Variants in GBE1 observed in about 807,000 individuals in gnomAD.
GBE1 encodes 1,4-alpha-glucan branching enzyme 1, also known as 1,4-alpha-glucan-branching enzyme.
In GBE1, 70 loss-of-function variants were observed where a neutral mutation model predicts 88.8. That is an observed-to-expected ratio of 0.79 (90% CI 0.65 to 0.96). The LOEUF is 0.96. Among genes scored for constraint, GBE1 ranks in the 40% least tolerant of loss-of-function variants. The pLI is 0.00. For synonymous variants in GBE1, 284 were observed against 300.1 expected, an observed-to-expected ratio of 0.95 and a Z score of 0.56; for missense variants, 872 against 871.0, an observed-to-expected ratio of 1.00 and a Z score of -0.01.
At chr3:81,587,656 A>G (rs1009119613) in intron 9 of GBE1, among the ~76,000 whole-genome samples, 1 of 152,174 alleles carries the variant, frequency 6.6e-6, no homozygotes, top group Non-Finnish European at 1.5e-5. Context: ...GCAAGAGTTT[A>G]TAGTTGTTGT....
At chr3:81,655,915 A>G (rs1024487065) in intron 3 of GBE1, among the ~76,000 whole-genome samples, 1 of 152,222 alleles carries the variant, frequency 6.6e-6, no homozygotes, top group African/African-American at 2.4e-5. Context: ...AAAATAACTT[A>G]ATACAATTTA....
At chr3:81,555,281 C>A (rs1435507680) in intron 12 of GBE1, among the ~76,000 whole-genome samples, 1 of 152,092 alleles carries the variant, frequency 6.6e-6, no homozygotes, top group African/African-American at 2.4e-5. Context: ...AACAAACAAT[C>A]TAGTATCTTT....
At chr3:81,650,813 T>C (rs931151769) in intron 3 of GBE1, among the ~76,000 whole-genome samples, 3 of 152,070 alleles carry the variant, frequency 2.0e-5, no homozygotes, top group Non-Finnish European at 4.4e-5. Flanking sequence ...TACAGGCATG[T>C]ACCACCATGC....
At chr3:81,533,848 G>A (rs1238153329) in intron 14 of GBE1, among the ~76,000 whole-genome samples, 1 of 152,012 alleles carries the variant, frequency 6.6e-6, no homozygotes, top group Admixed American at 6.6e-5. Flanking sequence ...GACACTTGGA[G>A]TCATGGCTCT....
intron 7 of GBE1, among the ~76,000 whole-genome samples, chr3:81,626,501 G>T (rs1375087): frequency 6.6e-5 from 10 of 151,968 alleles, no homozygotes; most frequent in Admixed American, 5.2e-4. Flanking sequence ...GCGTTCCTGA[G>T]GAACTGATTT....
chr3:81,695,957 A>T (rs1421529079), intron 2 of GBE1, among the ~76,000 whole-genome samples: 2 of 152,214 alleles, frequency 1.3e-5, no homozygotes, highest in Non-Finnish European at 2.9e-5. Flanking sequence ...TGGCAGTCAT[A>T]ATTAAAATGA....
At chr3:81,700,691 G>GA (rs1203519868) in intron 2 of GBE1, among the ~76,000 whole-genome samples, 5 of 150,472 alleles carry the variant, frequency 3.3e-5, no homozygotes, top group South Asian at 4.2e-4. Context: ...TTATATAACT[G>GA]AAAAAAAAAT....
intron 6 of GBE1, among the ~76,000 whole-genome samples, chr3:81,644,043 A>G (rs1054849205): frequency 6.6e-6 from 1 of 152,018 alleles, no homozygotes; most frequent in Admixed American, 6.6e-5. Flanking sequence ...AAACAGCCTT[A>G]AAGTTTTTTT....
intron 1 of GBE1, among the ~76,000 whole-genome samples, chr3:81,744,512 C>A (rs1449478649): frequency 6.6e-6 from 1 of 152,098 alleles, no homozygotes; most frequent in Non-Finnish European, 1.5e-5. Flanking sequence ...GGAAACCTCT[C>A]CAGATAACAC....
intron 7 of GBE1, among the ~76,000 whole-genome samples, chr3:81,633,675 C>A (rs1044586451): frequency 1.3e-5 from 2 of 152,018 alleles, no homozygotes; most frequent in Non-Finnish European, 2.9e-5. Flanking sequence ...TGATAATATA[C>A]TAATAGTTGA....
At chr3:81,686,575 G>A (rs563314395) in intron 2 of GBE1, among the ~76,000 whole-genome samples, 61 of 152,116 alleles carry the variant, frequency 4.0e-4, no homozygotes, top group African/African-American at 5.3e-4. Context: ...TGACCAACAC[G>A]GAGAAACCCC....
intron 2 of GBE1, among the ~76,000 whole-genome samples, chr3:81,702,677 A>C (rs1705717292): frequency 6.6e-6 from 1 of 152,170 alleles, no homozygotes; most frequent in Non-Finnish European, 1.5e-5. Context: ...TATGCAATAC[A>C]TCTTTATAAA....
At chr3:81,646,911 T>C (rs1704772678) in intron 5 of GBE1, among the ~76,000 whole-genome samples, 1 of 151,694 alleles carries the variant, frequency 6.6e-6, no homozygotes, top group Non-Finnish European at 1.5e-5. Flanking sequence ...CTTTTTTCCA[T>C]ATAGCATAAG....
intron 7 of GBE1, among the ~76,000 whole-genome samples, chr3:81,604,505 T>C (rs933388474): frequency 5.3e-5 from 8 of 152,062 alleles, no homozygotes; most frequent in Admixed American, 4.6e-4. Flanking sequence ...TAGCCTGGTC[T>C]TGAACTCCTG....
chr3:81,604,614 G>A (rs1235211167), intron 7 of GBE1, among the ~76,000 whole-genome samples: 3 of 151,944 alleles, frequency 2.0e-5, no homozygotes, highest in African/African-American at 7.3e-5. Flanking sequence ...TAAACAAATT[G>A]AAAAGTAATA....
chr3:81,537,912 T>C (rs1225963100), intron 12 of GBE1, among the ~76,000 whole-genome samples: 1 of 151,918 alleles, frequency 6.6e-6, no homozygotes, highest in East Asian at 1.9e-4. Context: ...AACTTAAAAA[T>C]AAAATAAAAC....
At chr3:81,538,258 A>C (rs1209497491) in intron 12 of GBE1, among the ~76,000 whole-genome samples, 1 of 152,052 alleles carries the variant, frequency 6.6e-6, no homozygotes, top group African/African-American at 2.4e-5. Context: ...AAAACTAATA[A>C]GCTAGGATGT....
At chr3:81,542,083 T>C (rs1217685585) in intron 12 of GBE1, among the ~76,000 whole-genome samples, 1 of 152,102 alleles carries the variant, frequency 6.6e-6, no homozygotes, top group Non-Finnish European at 1.5e-5. Flanking sequence ...TCTATATCTA[T>C]ATTGATACCT....
At chr3:81,620,837 T>C (rs879450722) in intron 7 of GBE1, among the ~76,000 whole-genome samples, 24 of 152,284 alleles carry the variant, frequency 1.6e-4, no homozygotes, top group East Asian at 5.8e-4. Flanking sequence ...CTATGAAAGT[T>C]TCTTATAAGG....
Sources: allele counts gnomAD v4.1 joint callset (sites outside exome capture counted in the v4.1 genomes callset), GRCh38; gene constraint gnomAD v4.1.1; transcripts MANE v1.5; gene names NCBI Gene and HGNC (gene_info 2026-07-23, HGNC 2026-07-21).